Variants in ECT2L observed in about 807,000 individuals in gnomAD.
ECT2L encodes the protein epithelial cell-transforming sequence 2 oncogene-like.
ECT2L carries 126 observed loss-of-function variants against 122.8 expected under a neutral mutation model. The ratio of observed to expected loss-of-function variants is 1.03; its 90% CI spans 0.89 to 1.19. ECT2L has a LOEUF of 1.19. Among genes scored for constraint, ECT2L ranks in the 50% most tolerant of loss-of-function variants. The pLI is 0.00. For synonymous variants in ECT2L, 385 were observed against 381.8 expected (o/e 1.01, Z -0.10); for missense variants, 1,012 against 1,064.1 (o/e 0.95, Z 0.68).
At chr6:138,891,805 A>T (rs542286706) in intron 20 of ECT2L, among the ~76,000 whole-genome samples, 1 of 91,846 alleles carries the variant, frequency 1.1e-5, no homozygotes, top group East Asian at 2.4e-4. Context: ...CTCAGAATAA[A>T]TCTATTTTAC....
At chr6:138,880,555 AAAAC>A (rs1172113372) in intron 14 of ECT2L, among the ~76,000 whole-genome samples, 18 of 152,158 alleles carry the variant, frequency 1.2e-4, no homozygotes, top group Admixed American at 1.3e-4. Flanking sequence ...AAGAAATAGG[AAAAC>A]AAACAAGAGT....
intron 1 of ECT2L, among the ~76,000 whole-genome samples, chr6:138,797,274 TCTA>T (rs1158606619): frequency 6.6e-6 from 1 of 152,212 alleles, no homozygotes; most frequent in Non-Finnish European, 1.5e-5. Context: ...TTACTTTTCT[TCTA>T]CTCCCGTTCT....
intron 20 of ECT2L, among the ~76,000 whole-genome samples, chr6:138,898,429 C>T (rs191277978): frequency 5.0e-4 from 76 of 152,340 alleles, no homozygotes; most frequent in East Asian, 3.3e-3. Context: ...TACTTCCTAA[C>T]GCTGTCCAAG....
At chr6:138,855,998 T>C (rs562761165) in intron 10 of ECT2L, among the ~76,000 whole-genome samples, 1 of 152,316 alleles carries the variant, frequency 6.6e-6, no homozygotes, top group African/African-American at 2.4e-5. Context: ...CTATCACCAT[T>C]CTGGGCCCCG....
chr6:138,815,489 T>TA, intron 4 of ECT2L, among the ~76,000 whole-genome samples: 1 of 152,304 alleles, frequency 6.6e-6, no homozygotes, highest in East Asian at 1.9e-4. Context: ...CAATGCCAGA[T>TA]AAAAAGCCTT....
intron 6 of ECT2L, among the ~76,000 whole-genome samples, chr6:138,844,142 C>A (rs1341315084): frequency 6.6e-6 from 1 of 152,180 alleles, no homozygotes; most frequent in Non-Finnish European, 1.5e-5. Flanking sequence ...GAATGTGACA[C>A]CTATCAATTG....
At chr6:138,863,202 A>G (rs985038678) in intron 11 of ECT2L, among the ~76,000 whole-genome samples, 1 of 152,240 alleles carries the variant, frequency 6.6e-6, no homozygotes, top group Non-Finnish European at 1.5e-5. Flanking sequence ...CTAAAGCTGC[A>G]AATTTAGATT....
intron 20 of ECT2L, among the ~76,000 whole-genome samples, chr6:138,897,308 G>T (rs896194590): frequency 6.6e-6 from 1 of 151,872 alleles, no homozygotes; most frequent in Non-Finnish European, 1.5e-5. Flanking sequence ...TTCAACTGAG[G>T]ATGGAAAACA....
chr6:138,854,270 T>C, intron 10 of ECT2L, 116 bp downstream of exon 10: 1 of 1,267,934 alleles, frequency 7.9e-7, no homozygotes, highest in Non-Finnish European at 1.1e-6. Flanking sequence ...CGCTTCAATT[T>C]CTTTTTTCTT....
At chr6:138,844,663 G>C in intron 7 of ECT2L, 83 bp downstream of exon 7, 1 of 1,303,664 alleles carries the variant, frequency 7.7e-7, no homozygotes, top group Non-Finnish European at 1.1e-6. Flanking sequence ...CTATCACGCA[G>C]AAATCTTGTG....
intron 1 of ECT2L, among the ~76,000 whole-genome samples, chr6:138,807,543 C>T (rs1775753399): frequency 6.6e-6 from 1 of 152,166 alleles, no homozygotes; most frequent in African/African-American, 2.4e-5. Context: ...CTCCTCCACA[C>T]CCTTTTAATT....
At chr6:138,830,194 G>A (rs1372421110) in intron 4 of ECT2L, among the ~76,000 whole-genome samples, 2 of 152,114 alleles carry the variant, frequency 1.3e-5, no homozygotes, top group African/African-American at 4.8e-5. Flanking sequence ...GTCACATCTA[G>A]AAAACAAGGT....
At chr6:138,815,165 C>T (rs955581509) in intron 4 of ECT2L, among the ~76,000 whole-genome samples, 1 of 152,100 alleles carries the variant, frequency 6.6e-6, no homozygotes, top group Admixed American at 6.6e-5. Context: ...GAAGTTATGC[C>T]CAGGGTCAGC....
rs367587586 is a variant in ECT2L, at chr6:138,902,510, T to C, written c.2598T>C (p.Asn866=). The C allele has an allele frequency of 1.9e-6, 3 of 1,613,218 alleles. No homozygotes were observed. The highest frequency in any genetic ancestry group is 1.3e-5 in the African/African-American group (1 of 75,046). The change falls in exon 22 of 22, where the codon AAT becomes AAC. Residue 866 remains asparagine, a synonymous_variant. Coordinates refer to ENST00000541398, the MANE Select transcript of ECT2L (RefSeq NM_001077706.3). ...CAAATGCTTTTACAGATGTCAAGAA[T>C]GCATTTATTCTTCAGGGTCCAAAAT... ...ENIPDSKYVK[N]AFILQGPKYK... is the part of the protein sequence containing the mutation.
intron 20 of ECT2L, among the ~76,000 whole-genome samples, chr6:138,895,089 T>C (rs1779163876): frequency 6.6e-6 from 1 of 151,998 alleles, no homozygotes; most frequent in Non-Finnish European, 1.5e-5. Context: ...TTGGACCCCG[T>C]CTCTACAGGG....
chr6:138,801,889 T>C (rs1775554864), intron 1 of ECT2L, among the ~76,000 whole-genome samples: 1 of 152,134 alleles, frequency 6.6e-6, no homozygotes. Flanking sequence ...AATACATAAA[T>C]GAGATTGTCT....
chr6:138,845,199 A>T (rs949453384), intron 7 of ECT2L, among the ~76,000 whole-genome samples: 1 of 150,862 alleles, frequency 6.6e-6, no homozygotes, highest in Non-Finnish European at 1.5e-5. Context: ...AACCATCACC[A>T]TTGTGCATCT....
At position 138,890,453 on chromosome 6, in the gene ECT2L, C is replaced by A. The variant is rs369199479; in HGVS notation, c.2414+1422C>A. Among the ~76,000 whole-genome samples, 3 of 141,636 alleles carry A rather than the reference C, an allele frequency of 2.1e-5. 1 individual carries two copies. 92.9% of individuals were successfully genotyped at this position (141,636 alleles called of 152,430 possible). A position where few individuals can be genotyped will look rare whatever the true frequency, so the allele number is the denominator to read the frequency against. On this transcript the variant is annotated intron_variant, in intron 20 of 21. Coordinates refer to ENST00000541398, the MANE Select transcript of ECT2L (RefSeq NM_001077706.3). ...ATGAAAATCAAATCACACAATATGT[C>A]ACTTTTCTCATTGTCATGACATTTT...
At chr6:138,873,394 G>T (rs1017979500) in intron 13 of ECT2L, among the ~76,000 whole-genome samples, 1 of 152,178 alleles carries the variant, frequency 6.6e-6, no homozygotes, top group Non-Finnish European at 1.5e-5. Flanking sequence ...AAATAGAAAA[G>T]CTGATTTTCC....
Sources: allele counts gnomAD v4.1 joint callset (sites outside exome capture counted in the v4.1 genomes callset), GRCh38; gene constraint gnomAD v4.1.1; transcripts MANE v1.5; gene names NCBI Gene and HGNC (gene_info 2026-07-23, HGNC 2026-07-21).